Variants in PCDH17 observed in about 807,000 individuals in gnomAD.
The protein encoded by PCDH17 is protocadherin-17.
Under a neutral mutation model 67.7 loss-of-function variants are expected in PCDH17, and 21 were observed. That is an observed-to-expected ratio of 0.31 (90% confidence interval 0.22 to 0.45). PCDH17 has a LOEUF of 0.45. Among genes scored for constraint, PCDH17 ranks in the 20% least tolerant of loss-of-function variants. PCDH17 has a pLI of 1.00. For synonymous variants in PCDH17, 701 were observed against 656.7 expected, an observed-to-expected ratio of 1.07 and a Z score of -1.03; for missense variants, 1,471 against 1,564.8, an observed-to-expected ratio of 0.94 and a Z score of 1.01.
At chr13:57,671,785 A>G (rs1016938229) in intron 3 of PCDH17, among the ~76,000 whole-genome samples, 4 of 152,008 alleles carry the variant, frequency 2.6e-5, no homozygotes, top group Non-Finnish European at 4.4e-5. Flanking sequence ...ACTCCTTGAA[A>G]TAGAATTGTA....
rs1172909972 is a variant in PCDH17 at position 57,633,344 on chromosome 13, C to T, written c.798C>T (p.Asn266=). Residue 266 remains asparagine, a synonymous_variant, in exon 1 of 4, where the codon AAC becomes AAT. Transcript: ENST00000377918. The surrounding 1 kb of genome is among the most constrained non-coding windows in gnomAD (Gnocchi z 6.2). The part of the protein sequence containing the change: ...APLGTVVIDL[N]ATDADEGPNG... ...TGGGTACAGTGGTCATCGATCTGAA[C>T]GCCACCGACGCCGATGAAGGTCCCA... 2.5e-6 allele frequency: 4 copies of T among 1,613,188 alleles called. No homozygotes were observed. The highest frequency in any genetic ancestry group is 2.5e-6 in the Non-Finnish European group (3 of 1,180,002).
At chr13:57,677,024 G>A (rs1047422726) in intron 3 of PCDH17, among the ~76,000 whole-genome samples, 2 of 151,698 alleles carry the variant, frequency 1.3e-5, no homozygotes, top group African/African-American at 4.8e-5. Flanking sequence ...TTTTTGTCTT[G>A]TGCCCACTAT....
chr13:57,657,785 C>T (rs1023967333), intron 1 of PCDH17, among the ~76,000 whole-genome samples: 7 of 152,120 alleles, frequency 4.6e-5, no homozygotes, highest in Admixed American at 1.3e-4. Context: ...TCTGTGTACC[C>T]CTGGATTAGG....
At chr13:57,651,838 T>A (rs1448604496) in intron 1 of PCDH17, among the ~76,000 whole-genome samples, 1 of 150,508 alleles carries the variant, frequency 6.6e-6, no homozygotes, top group Non-Finnish European at 1.5e-5. Context: ...TATTAACACA[T>A]ATTATTATTG....
At chr13:57,716,503 T>C (rs1955817718) in intron 3 of PCDH17, among the ~76,000 whole-genome samples, 1 of 151,786 alleles carries the variant, frequency 6.6e-6, no homozygotes, top group Non-Finnish European at 1.5e-5. Context: ...CTCTCTCTGC[T>C]CTCCACTCTC....
intron 3 of PCDH17, among the ~76,000 whole-genome samples, chr13:57,716,335 T>G (rs1385077848): frequency 2.0e-5 from 3 of 151,994 alleles, no homozygotes; most frequent in African/African-American, 7.2e-5. Flanking sequence ...TTTCCATTCT[T>G]TTTTCAGATC....
rs1210178245 is a variant in PCDH17 at position 57,633,336 on chromosome 13, G to T, written c.790G>T (p.Asp264Tyr). The part of the protein sequence containing the change: ...ENAPLGTVVI[D>Y]LNATDADEGP... ...CGCTCCGCTGGGTACAGTGGTCATCGATCTGAACGCCACCGACGCCGATGA... is the reference window on the plus strand; with the variant it reads ...CGCTCCGCTGGGTACAGTGGTCATCTATCTGAACGCCACCGACGCCGATGA... Residue 264 changes from aspartate to tyrosine, a missense_variant, in exon 1 of 4, where the codon GAT (aspartate) becomes TAT (tyrosine). Physicochemically the swap from Asp to Tyr is radical, Grantham distance 160. Coordinates refer to ENST00000377918, the MANE Select transcript of PCDH17 (RefSeq NM_001040429.3). The surrounding 1 kb of genome is among the most constrained non-coding windows in gnomAD (Gnocchi z 6.2). 6.2e-7 allele frequency: 1 copy of T among 1,613,216 alleles called. No homozygotes were observed. The highest frequency in any genetic ancestry group is 8.5e-7 in the Non-Finnish European group (1 of 1,180,018).
intron 1 of PCDH17, among the ~76,000 whole-genome samples, chr13:57,662,566 C>T (rs1955196774): frequency 6.6e-6 from 1 of 151,084 alleles, no homozygotes; most frequent in Non-Finnish European, 1.5e-5. Context: ...ATCAAAATAA[C>T]CTACTTCCAC....
intron 3 of PCDH17, among the ~76,000 whole-genome samples, chr13:57,720,531 T>C (rs1412739028): frequency 6.6e-6 from 1 of 151,962 alleles, no homozygotes; most frequent in Non-Finnish European, 1.5e-5. Flanking sequence ...TAATAAAATA[T>C]TGTCTTGTTT....
chr13:57,632,266 C>G lies in PCDH17; in HGVS notation c.-281C>G. ...GGAGAGACGAAACCCCTGGCTCACCCCCAGCCGCAGGAAGCCACCGCCTTG... is the reference window on the plus strand; with the variant it reads ...GGAGAGACGAAACCCCTGGCTCACCGCCAGCCGCAGGAAGCCACCGCCTTG... On this transcript the variant is annotated 5_prime_UTR_variant, in exon 1 of 4. Coordinates refer to ENST00000377918, the MANE Select transcript of PCDH17 (RefSeq NM_001040429.3). The G allele has an allele frequency of 2.0e-6, 1 of 496,328 alleles. No homozygotes were observed. The highest frequency in any genetic ancestry group is 2.8e-5 in the South Asian group (1 of 36,362). The allele number at this position is 496,328 out of a possible 1,614,324, so 30.7% of individuals were successfully genotyped here. A position where few individuals can be genotyped will look rare whatever the true frequency, so the allele number is the denominator to read the frequency against.
chr13:57,633,438 C>T lies in PCDH17; in HGVS notation c.892C>T (p.Pro298Ser), dbSNP rs765607352. Residue 298 changes from proline to serine, a missense_variant, in exon 1 of 4, where the codon CCC becomes TCC. Coordinates refer to ENST00000377918, the MANE Select transcript of PCDH17 (RefSeq NM_001040429.3). This position sits in a 1 kb window ranked among gnomAD's most constrained non-coding sequence, Gnocchi z 6.2. ...CGTGCGGGAGCTCTTCTCCATCGAC[C>T]CCAAGACCGGCCTAATCCGTGTGAA... is the stretch of plus-strand genomic sequence containing the variant. ...DRVRELFSIDPKTGLIRVKGN... is the reference protein window; with the variant it reads ...DRVRELFSIDSKTGLIRVKGN... The T allele has an allele frequency of 1.9e-6, 3 of 1,613,488 alleles. No individual in the cohort carries two copies. Among genetic ancestry groups the T allele is most frequent in the African/African-American group, 2.7e-5 (2 of 74,934 alleles).
At chr13:57,723,973 T>C (rs73521322) in intron 3 of PCDH17, among the ~76,000 whole-genome samples, 1,959 of 152,308 alleles carry the variant, frequency 0.013, 35 homozygotes, top group African/African-American at 0.044. Flanking sequence ...AACAGAAAAC[T>C]GATTACATGA....
At chr13:57,703,831 A>G (rs912044453) in intron 3 of PCDH17, among the ~76,000 whole-genome samples, 2 of 152,114 alleles carry the variant, frequency 1.3e-5, no homozygotes, top group Non-Finnish European at 1.5e-5. Context: ...TTTTTAATGT[A>G]GTAAAATTTT....
At chr13:57,720,604 A>G (rs1344830449) in intron 3 of PCDH17, among the ~76,000 whole-genome samples, 1 of 152,024 alleles carries the variant, frequency 6.6e-6, no homozygotes, top group African/African-American at 2.4e-5. Flanking sequence ...TCTTATGGTA[A>G]TTGCTAGTAG....
chr13:57,648,171 C>G (rs561862191), intron 1 of PCDH17, among the ~76,000 whole-genome samples: 1 of 151,618 alleles, frequency 6.6e-6, no homozygotes, highest in Non-Finnish European at 1.5e-5. Flanking sequence ...TAGAAAGGCT[C>G]TAGGAGTGAG....
At chr13:57,685,975 A>G (rs1955502955) in intron 3 of PCDH17, among the ~76,000 whole-genome samples, 1 of 151,696 alleles carries the variant, frequency 6.6e-6, no homozygotes, top group South Asian at 2.1e-4. Flanking sequence ...TTTAGTCCAA[A>G]CTACTCAGGA....
intron 1 of PCDH17, among the ~76,000 whole-genome samples, chr13:57,665,138 A>G (rs1359907743): frequency 6.6e-6 from 1 of 151,814 alleles, no homozygotes; most frequent in East Asian, 1.9e-4. Context: ...TGTCATTTGG[A>G]CAAACCAAAA....
chr13:57,714,995 C>T (rs1955805911), intron 3 of PCDH17, among the ~76,000 whole-genome samples: 1 of 151,738 alleles, frequency 6.6e-6, no homozygotes, highest in Admixed American at 6.6e-5. Context: ...ATTTCAATAA[C>T]AGTGTCACTG....
chr13:57,728,621 G>C lies in PCDH17; in HGVS notation c.*3327G>C, dbSNP rs957768915. 1 of 150,132 alleles carries C rather than the reference G, an allele frequency of 6.7e-6. No homozygotes were observed. Among genetic ancestry groups the C allele is most frequent in the Non-Finnish European group, 1.5e-5 (1 of 67,676 alleles). The allele number at this position is 150,132 out of a possible 1,614,324, so 9.3% of individuals were successfully genotyped here. On this transcript the variant is annotated 3_prime_UTR_variant, in exon 4 of 4. Coordinates refer to ENST00000377918, the MANE Select transcript of PCDH17 (RefSeq NM_001040429.3). ...CGTATACCAAAGTAAACATTAAAGA[G>C]ACATATCATGCAATTTCAAAGAATT...
Sources: gnomAD v4.1 joint callset for allele counts (sites outside exome capture counted in the v4.1 genomes callset) on GRCh38, gnomAD v4.1.1 for gene constraint, Gnocchi (gnomAD v3.1) non-coding constraint, MANE v1.5 for transcripts, NCBI Gene and HGNC (gene_info 2026-07-23, HGNC 2026-07-21) for gene names.